The following EDIL3 variants were observed in gnomAD, a reference collection of about 807,000 sequenced individuals.
EDIL3 encodes the protein EGF like and discoidin domains 3.
In EDIL3, 37 loss-of-function variants were observed where a neutral mutation model predicts 67.4. That is an observed-to-expected ratio of 0.55 (90% CI 0.42 to 0.72). The LOEUF is 0.72. Among genes scored for constraint, EDIL3 ranks in the 30% least tolerant of loss-of-function variants. The probability of loss-of-function intolerance (pLI) is 0.00; values close to 1 mark genes in which losing one functional copy is unlikely to be tolerated. For missense variants in EDIL3, 527 were observed against 586.3 expected, an observed-to-expected ratio of 0.90 and a Z score of 1.04; for synonymous variants, 195 against 196.3, an observed-to-expected ratio of 0.99 and a Z score of 0.05.
At chr5:84,296,663 A>T (rs1746057161) in intron 1 of EDIL3, among the ~76,000 whole-genome samples, 1 of 152,190 alleles carries the variant, frequency 6.6e-6, no homozygotes, top group Non-Finnish European at 1.5e-5. Context: ...CTTTAGTTTA[A>T]TTAGATCCCA....
rs148512641 is a variant in EDIL3, at chr5:84,254,160, T to C, written c.120A>G (p.Gly40=). The change falls in exon 2 of 11, where the codon GGA becomes GGG. Residue 40 remains glycine (G), a synonymous_variant. Transcript: ENST00000296591. Reference sequence around the variant, plus strand: ...CACAGGAAAAGGAACCATCAGCCAATCCTGGCAAACAGATACCTCCATTTT... The same window carrying C: ...CACAGGAAAAGGAACCATCAGCCAACCCTGGCAAACAGATACCTCCATTTT... ...PCENGGICLP[G]LADGSFSCEC... The C allele has an allele frequency of 8.7e-6, 14 of 1,612,624 alleles. No individual in the cohort carries two copies. Among genetic ancestry groups the C allele is most frequent in the Non-Finnish European group, 1.0e-5 (12 of 1,179,364 alleles).
chr5:84,064,955 T>C lies in EDIL3; in HGVS notation c.808-111A>G, dbSNP rs373349395. 81 of 1,338,840 alleles carry C rather than the reference T, an allele frequency of 6.1e-5. No individual in the cohort carries two copies. In the African/African-American group the frequency reaches 1.0e-3, roughly 17 times the overall value. The allele number at this position is 1,338,840 out of a possible 1,614,324, so 82.9% of individuals were successfully genotyped here. On this transcript the variant is annotated intron_variant, in intron 7 of 10. Coordinates refer to ENST00000296591, the MANE Select transcript of EDIL3 (RefSeq NM_005711.5). Reference sequence around the variant, plus strand: ...ATAATTGTTCGAAGAACAGATTACATTATTTGGGAGCATGGAGCATTTGAG... The same window carrying C: ...ATAATTGTTCGAAGAACAGATTACACTATTTGGGAGCATGGAGCATTTGAG...
chr5:84,033,479 G>A (rs1280482054), intron 9 of EDIL3, among the ~76,000 whole-genome samples: 1 of 152,074 alleles, frequency 6.6e-6, no homozygotes, highest in Non-Finnish European at 1.5e-5. Flanking sequence ...GGAGGCCAAG[G>A]CAGGCAGATT....
intron 4 of EDIL3, among the ~76,000 whole-genome samples, chr5:84,154,556 G>GT (rs200291882): frequency 1.9e-4 from 29 of 149,682 alleles, no homozygotes; most frequent in South Asian, 1.7e-3. Context: ...CATATTTATA[G>GT]TTTTTTTTTC....
intron 10 of EDIL3, among the ~76,000 whole-genome samples, chr5:83,947,369 CTGTGTGTGTGTGTG>C (rs34059015): frequency 7.7e-6 from 1 of 129,450 alleles, no homozygotes; most frequent in Non-Finnish European, 1.7e-5. Flanking sequence ...GTGTCTGTGT[CTGTGTGTGTGTGTG>C]TGTGTGTGTG....
intron 9 of EDIL3, among the ~76,000 whole-genome samples, chr5:84,046,630 C>T (rs1644274373): frequency 6.6e-6 from 1 of 152,142 alleles, no homozygotes; most frequent in Admixed American, 6.5e-5. Context: ...TTTACAAATG[C>T]TCATAATATT....
intron 6 of EDIL3, among the ~76,000 whole-genome samples, chr5:84,093,024 C>T (rs910485863): frequency 6.6e-6 from 1 of 152,040 alleles, no homozygotes; most frequent in Non-Finnish European, 1.5e-5. Context: ...AGGCACTCCC[C>T]GTATAAATAT....
intron 1 of EDIL3, among the ~76,000 whole-genome samples, chr5:84,336,414 G>T (rs925007025): frequency 1.8e-4 from 27 of 152,144 alleles, no homozygotes; most frequent in African/African-American, 6.0e-4. Flanking sequence ...GGGGATATCT[G>T]CAGTGTAAAG....
chr5:84,339,798 T>A (rs557647629), intron 1 of EDIL3, among the ~76,000 whole-genome samples: 1 of 152,020 alleles, frequency 6.6e-6, no homozygotes, highest in Non-Finnish European at 1.5e-5. Context: ...AAGATAAGTC[T>A]AAGAATTCAG....
rs186252231 is a variant in EDIL3, at chr5:84,288,111, C to T, written c.68-33899G>A. 5.3e-3 allele frequency among the ~76,000 whole-genome samples: 806 copies of T among 152,266 alleles called. 10 individuals are homozygous for T. The highest frequency in any genetic ancestry group is 0.018 in the African/African-American group (753 of 41,558). Reference sequence around the variant, plus strand: ...ATAATTTCCCCAGACCTACTTTTCCCGTTGTCTTTCTCATCTCAGTTAACG... The same window carrying T: ...ATAATTTCCCCAGACCTACTTTTCCTGTTGTCTTTCTCATCTCAGTTAACG... On this transcript the variant is annotated intron_variant, in intron 1 of 10. Transcript: ENST00000296591.
At chr5:84,004,898 G>T (rs2216561) in intron 9 of EDIL3, among the ~76,000 whole-genome samples, 43,643 of 151,730 alleles carry the variant, frequency 0.29, 6,901 homozygotes, top group East Asian at 0.44. Context: ...AAATTCAAAA[G>T]TTTGTTGCTT....
chr5:84,384,436 G>A lies in EDIL3; in HGVS notation c.-62C>T. 3 of 1,567,292 alleles carry A rather than the reference G, an allele frequency of 1.9e-6. No homozygotes were observed. The highest frequency in any genetic ancestry group is 1.1e-5 in the South Asian group (1 of 89,296). ...GGTCGTCGCGGAGGGCAGTGTAGCC[G>A]AGGTGGCAGCGCAGGGCAGCAGCAG... On this transcript the variant is annotated 5_prime_UTR_variant, in exon 1 of 11. Transcript: ENST00000296591.
intron 2 of EDIL3, among the ~76,000 whole-genome samples, chr5:84,244,198 A>G (rs957056751): frequency 1.3e-5 from 2 of 152,212 alleles, no homozygotes; most frequent in African/African-American, 2.4e-5. Context: ...GGAGATACCA[A>G]TAAGATTTGT....
chr5:84,203,929 A>C (rs1261745906), intron 3 of EDIL3, among the ~76,000 whole-genome samples: 2 of 152,222 alleles, frequency 1.3e-5, no homozygotes, highest in African/African-American at 4.8e-5. Context: ...TGTTTTTGCC[A>C]ATCCTTAGAA....
At chr5:84,222,163 A>G (rs973543178) in intron 3 of EDIL3, among the ~76,000 whole-genome samples, 9 of 151,880 alleles carry the variant, frequency 5.9e-5, no homozygotes, top group African/African-American at 2.2e-4. Context: ...AAAATTAAAT[A>G]TTTCAAAAGC....
chr5:84,117,020 A>ATTTTTTTTTTTTTTTTTTTTTTT (rs34997139), intron 5 of EDIL3, among the ~76,000 whole-genome samples: 1 of 83,236 alleles, frequency 1.2e-5, no homozygotes, highest in Non-Finnish European at 2.2e-5. Flanking sequence ...TTAAGTACTT[A>ATTTTTTTTTTTTTTTTTTTTTTT]TTTTTTTTTT....
chr5:84,092,246 C>T (rs1417923651), intron 6 of EDIL3, among the ~76,000 whole-genome samples: 1 of 152,088 alleles, frequency 6.6e-6, no homozygotes, highest in African/African-American at 2.4e-5. Flanking sequence ...AGATTTTCTC[C>T]ATTTCACTGT....
intron 9 of EDIL3, among the ~76,000 whole-genome samples, chr5:84,016,343 G>A (rs1278386158): frequency 1.3e-5 from 2 of 152,058 alleles, no homozygotes; most frequent in African/African-American, 4.8e-5. Context: ...GCCTAGCTCT[G>A]ATAACACTCA....
At chr5:84,027,235 A>G (rs369510722) in intron 9 of EDIL3, among the ~76,000 whole-genome samples, 6 of 152,242 alleles carry the variant, frequency 3.9e-5, no homozygotes, top group South Asian at 2.1e-4. Flanking sequence ...GTCGCTTACT[A>G]TAAGAGTGTC....
Sources: gnomAD v4.1 joint callset for allele counts (sites outside exome capture counted in the v4.1 genomes callset) on GRCh38, gnomAD v4.1.1 for gene constraint, MANE v1.5 for transcripts, NCBI Gene and HGNC (gene_info 2026-07-23, HGNC 2026-07-21) for gene names.